Variants in GNPTAB observed in about 807,000 individuals in gnomAD.
GNPTAB encodes the protein N-acetylglucosamine-1-phosphate transferase subunits alpha and beta.
Under a neutral mutation model 136.6 loss-of-function variants are expected in GNPTAB, and 92 were observed. The ratio of observed to expected loss-of-function variants is 0.67; its 90% CI spans 0.57 to 0.80. GNPTAB has a LOEUF of 0.80. Among genes scored for constraint, GNPTAB ranks in the 30% least tolerant of loss-of-function variants. The pLI is 0.00. For missense variants in GNPTAB, 1,343 were observed against 1,501.8 expected (o/e 0.89, Z 1.75); for synonymous variants, 512 against 535.1 (o/e 0.96, Z 0.60).
chr12:101,821,818 T>A (rs957466526), intron 1 of GNPTAB, among the ~76,000 whole-genome samples: 2 of 152,194 alleles, frequency 1.3e-5, no homozygotes, highest in East Asian at 3.9e-4. Context: ...CTAATTGCTC[T>A]GAGGACAAGA....
At chr12:101,752,005 T>C (rs1952826414) in intron 19 of GNPTAB, among the ~76,000 whole-genome samples, 1 of 136,664 alleles carries the variant, frequency 7.3e-6, no homozygotes, top group Non-Finnish European at 1.5e-5. Context: ...TCAAGTACCA[T>C]GTTACAGTTA....
intron 3 of GNPTAB, 67 bp from the exon 4 acceptor site, chr12:101,788,656 CG>C: frequency 3.5e-6 from 3 of 853,776 alleles, no homozygotes; most frequent in Non-Finnish European, 4.1e-6. Flanking sequence ...GTAACCAAGA[CG>C]GTTTGCTTAG....
At chr12:101,802,172 T>A (rs1357126652) in intron 1 of GNPTAB, among the ~76,000 whole-genome samples, 1 of 134,278 alleles carries the variant, frequency 7.4e-6, no homozygotes, top group East Asian at 2.1e-4. Flanking sequence ...CACTCAAGCC[T>A]GGATGACAGA....
chr12:101,764,182 T>C lies in GNPTAB; in HGVS notation c.2715+20A>G. 6.2e-7 allele frequency: 1 copy of C among 1,613,408 alleles called. No individual in the cohort carries two copies. The highest frequency in any genetic ancestry group is 8.5e-7 in the Non-Finnish European group (1 of 1,179,966). On this transcript the variant is annotated intron_variant, in intron 13 of 20. Transcript: ENST00000299314. ...TACTCTTCCTGAGCATGAGAAAGAA[T>C]GAGGCTGGATGTTACTTACGTCGAG...
chr12:101,794,386 C>A lies in GNPTAB; in HGVS notation c.203+2291G>T, dbSNP rs1422378635. On this transcript the variant is annotated intron_variant, in intron 2 of 20. Coordinates refer to ENST00000299314, the MANE Select transcript of GNPTAB (RefSeq NM_024312.5). ...TATACTGGCCAGGTATGGTGGCTCACACCTGTAATCTTAACACTTTGGGAG... is the reference window on the plus strand; with the variant it reads ...TATACTGGCCAGGTATGGTGGCTCAAACCTGTAATCTTAACACTTTGGGAG... 9.9e-5 allele frequency among the ~76,000 whole-genome samples: 15 copies of A among 152,098 alleles called. No individual in the cohort carries two copies. The East Asian group carries it at 2.7e-3, about 27-fold the overall frequency.
chr12:101,825,583 AG>A (rs1471414880), intron 1 of GNPTAB, among the ~76,000 whole-genome samples: 1 of 152,204 alleles, frequency 6.6e-6, no homozygotes, highest in Non-Finnish European at 1.5e-5. Context: ...GAATAAGACA[AG>A]GTCCCTACTT....
chr12:101,790,148 T>A, intron 2 of GNPTAB, 91 bp from the exon 3 acceptor site: 1 of 1,567,454 alleles, frequency 6.4e-7, no homozygotes, highest in Non-Finnish European at 8.8e-7. Flanking sequence ...CCAGAGATTA[T>A]GAAAAAAATC....
chr12:101,786,284 C>A, intron 4 of GNPTAB, 67 bp from the exon 5 acceptor site: 1 of 1,274,748 alleles, frequency 7.8e-7, no homozygotes, highest in South Asian at 1.3e-5. Context: ...AGAAGCTTGT[C>A]ATACTACTAA....
Position 101,769,913 on chromosome 12 carries a change from G to T in GNPTAB, c.1284+108C>A, listed in dbSNP as rs983092612. On this transcript the variant is annotated intron_variant, in intron 10 of 20. Coordinates refer to ENST00000299314, the MANE Select transcript of GNPTAB (RefSeq NM_024312.5). The stretch of plus-strand genomic sequence containing the variant: ...CCCAAAGTACTGGGATTACAGGTGT[G>T]AGCCACCATGTCTGGCCTGATATTT... The T allele has an allele frequency of 3.6e-6, 4 of 1,113,266 alleles. No homozygotes were observed. The African/African-American group carries it at 4.6e-5, about 13-fold the overall frequency. 69.0% of individuals were successfully genotyped at this position (1,113,266 alleles called of 1,614,324 possible).
chr12:101,768,849 C>T (rs1953131582), intron 10 of GNPTAB, among the ~76,000 whole-genome samples: 1 of 152,150 alleles, frequency 6.6e-6, no homozygotes, highest in Non-Finnish European at 1.5e-5. Flanking sequence ...TTCAGATGGG[C>T]TTTCTTCCCT....
intron 1 of GNPTAB, among the ~76,000 whole-genome samples, chr12:101,817,371 G>C (rs974720155): frequency 1.3e-5 from 2 of 148,956 alleles, no homozygotes; most frequent in African/African-American, 5.0e-5. Flanking sequence ...GGGCTCCAGT[G>C]ATCCTCCTAC....
At chr12:101,747,808 G>C (rs1406040235) in intron 20 of GNPTAB, among the ~76,000 whole-genome samples, 1 of 120,130 alleles carries the variant, frequency 8.3e-6, no homozygotes, top group Non-Finnish European at 1.9e-5. Context: ...GACTCCAGTA[G>C]AGAGCAGAGT....
At position 101,770,120 on chromosome 12, in the gene GNPTAB, G is replaced by T. The variant is rs564430600; in HGVS notation, c.1185C>A (p.Ile395=). Residue 395 remains isoleucine (I), a synonymous_variant, in exon 10 of 21, where the codon ATC becomes ATA. Transcript: ENST00000299314. ...AAATAAACTTCTGGGACAGCCCTTC[G>T]ATGCGATGAATGTGACTTTCAATAG... ...SPAIESHIHR[I]EGLSQKFIYL... is the part of the protein sequence containing the mutation. 4 of 1,614,054 alleles carry T rather than the reference G, an allele frequency of 2.5e-6. No individual in the cohort carries two copies. The South Asian group carries it at 4.4e-5, about 18-fold the overall frequency.
chr12:101,790,090 T>C (rs1868897510), intron 2 of GNPTAB, 33 bp from the exon 3 acceptor site: 1 of 1,614,002 alleles, frequency 6.2e-7, no homozygotes, highest in South Asian at 1.1e-5. Context: ...CCAGCTTAAA[T>C]GCATTTTTCC....
At chr12:101,796,011 G>A (rs1330896096) in intron 2 of GNPTAB, 7 of 437,274 alleles carry the variant, frequency 1.6e-5, no homozygotes, top group Non-Finnish European at 2.8e-5. Context: ...CCAGAATGGC[G>A]GCACTAAGAA....
At chr12:101,795,778 T>A (rs1292522769) in intron 2 of GNPTAB, 1 of 151,362 alleles carries the variant, frequency 6.6e-6, no homozygotes, top group Non-Finnish European at 1.5e-5. Context: ...AAAAATAAAA[T>A]AAAATAAAAT....
intron 2 of GNPTAB, chr12:101,796,334 G>T: frequency 1.4e-6 from 1 of 698,678 alleles, no homozygotes; most frequent in South Asian, 1.5e-5. Flanking sequence ...TACTCTCTGT[G>T]AATCAGATTT....
intron 1 of GNPTAB, among the ~76,000 whole-genome samples, chr12:101,809,683 T>C (rs12319303): frequency 0.038 from 5,737 of 152,148 alleles, 414 homozygotes; most frequent in East Asian, 0.31. Flanking sequence ...TTCCAAGAAA[T>C]GACATTCTGG....
intron 7 of GNPTAB, chr12:101,773,764 G>C (rs1480758917): frequency 2.0e-5 from 3 of 152,270 alleles, no homozygotes; most frequent in Admixed American, 6.5e-5. Context: ...ACAGCCACTA[G>C]GTGGCACCCC....
Sources: gnomAD v4.1 joint callset for allele counts (sites outside exome capture counted in the v4.1 genomes callset) on GRCh38, gnomAD v4.1.1 for gene constraint, MANE v1.5 for transcripts, NCBI Gene and HGNC (gene_info 2026-07-23, HGNC 2026-07-21) for gene names.